The following SEC24D variants were observed in gnomAD, a reference collection of about 807,000 sequenced individuals.
SEC24D encodes SEC24 homolog D, COPII component.
In SEC24D, 69 loss-of-function variants were observed where a neutral mutation model predicts 116.9. That is an observed-to-expected ratio of 0.59 (90% CI 0.49 to 0.72). The LOEUF (loss-of-function observed/expected upper bound fraction) is 0.72, where lower values mean the gene tolerates loss of function less well. SEC24D is among the 30% of genes least tolerant of loss of function. The pLI is 0.00. For missense variants in SEC24D, 1,131 were observed against 1,264.1 expected (o/e 0.89, Z 1.60); for synonymous variants, 405 against 442.8 (o/e 0.91, Z 1.07).
chr4:118,800,809 C>A (rs1359298163), intron 7 of SEC24D, among the ~76,000 whole-genome samples: 1 of 152,088 alleles, frequency 6.6e-6, no homozygotes, highest in East Asian at 1.9e-4. Context: ...TTCCAAAAGT[C>A]AAAGAGTTAG....
At chr4:118,825,118 G>A (rs2110536030) in intron 2 of SEC24D, among the ~76,000 whole-genome samples, 1 of 152,306 alleles carries the variant, frequency 6.6e-6, no homozygotes, top group Admixed American at 6.5e-5. Flanking sequence ...CCTGGAAAAA[G>A]CAGGAAGGGT....
intron 11 of SEC24D, 125 bp downstream of exon 11, chr4:118,757,596 A>G (rs1368632713): frequency 1.4e-6 from 1 of 729,946 alleles, no homozygotes; most frequent in Non-Finnish European, 2.2e-6. Flanking sequence ...TGTTTGATTT[A>G]TGACTAATTA....
intron 10 of SEC24D, among the ~76,000 whole-genome samples, chr4:118,760,812 A>T (rs1330357020): frequency 3.3e-5 from 5 of 151,892 alleles, no homozygotes; most frequent in African/African-American, 1.2e-4. Flanking sequence ...GGTTCAAGCG[A>T]TTCTCCTGCC....
At chr4:118,801,120 G>T (rs1415980793) in intron 7 of SEC24D, among the ~76,000 whole-genome samples, 2 of 152,052 alleles carry the variant, frequency 1.3e-5, no homozygotes. Flanking sequence ...AAATCAGCCG[G>T]GCATGGTGGC....
At chr4:118,752,181 C>CATAT in intron 12 of SEC24D, 92 bp from the exon 13 acceptor site, 1 of 823,218 alleles carries the variant, frequency 1.2e-6, no homozygotes, top group South Asian at 1.7e-5. Flanking sequence ...AGCCTAAACA[C>CATAT]ATATGGTATT....
At chr4:118,756,085 G>A (rs1223328879) in intron 11 of SEC24D, among the ~76,000 whole-genome samples, 1 of 150,382 alleles carries the variant, frequency 6.6e-6, no homozygotes, top group East Asian at 2.0e-4. Context: ...TAGGATAATA[G>A]ATTAGCCTAA....
intron 10 of SEC24D, 134 bp downstream of exon 10, chr4:118,764,668 T>C (rs1027732203): frequency 7.2e-6 from 4 of 554,880 alleles, no homozygotes; most frequent in African/African-American, 3.8e-5. Context: ...ATCTGTGTCT[T>C]AGGCATTTCT....
chr4:118,799,143 G>A (rs997323520), intron 7 of SEC24D, among the ~76,000 whole-genome samples: 1 of 152,210 alleles, frequency 6.6e-6, no homozygotes, highest in African/African-American at 2.4e-5. Context: ...AGGAGTAGAA[G>A]TGTTGAGATG....
intron 5 of SEC24D, 116 bp downstream of exon 5, chr4:118,815,335 C>T: frequency 7.0e-7 from 1 of 1,420,222 alleles, no homozygotes; most frequent in Non-Finnish European, 9.6e-7. Context: ...TCTTCAAAAA[C>T]TACCATTTCT....
intron 17 of SEC24D, among the ~76,000 whole-genome samples, chr4:118,740,441 C>G (rs1442560121): frequency 6.6e-6 from 1 of 152,150 alleles, no homozygotes; most frequent in Non-Finnish European, 1.5e-5. Context: ...GCTGGACTTG[C>G]ATGCAATGAC....
At chr4:118,728,429 T>C in intron 22 of SEC24D, 132 bp downstream of exon 22, 1 of 611,144 alleles carries the variant, frequency 1.6e-6, no homozygotes, top group South Asian at 2.2e-5. Context: ...TTTTTAACTT[T>C]TATTTTAGAT....
intron 8 of SEC24D, among the ~76,000 whole-genome samples, chr4:118,789,882 C>A (rs1728821431): frequency 6.6e-6 from 1 of 152,234 alleles, no homozygotes; most frequent in Admixed American, 6.5e-5. Flanking sequence ...CCGCGCCCTG[C>A]CTCAACAGCA....
intron 19 of SEC24D, among the ~76,000 whole-genome samples, chr4:118,733,611 CAT>C (rs906526441): frequency 2.6e-5 from 4 of 152,010 alleles, no homozygotes; most frequent in Admixed American, 6.6e-5. Context: ...TGGGGATAGA[CAT>C]ATAAATACAT....
intron 13 of SEC24D, among the ~76,000 whole-genome samples, chr4:118,749,258 C>A (rs781456004): frequency 6.6e-6 from 1 of 152,074 alleles, no homozygotes; most frequent in Non-Finnish European, 1.5e-5. Flanking sequence ...TGCACTGAAG[C>A]CTTTAGCTGG....
intron 8 of SEC24D, among the ~76,000 whole-genome samples, chr4:118,787,600 C>G (rs1196859210): frequency 3.3e-5 from 5 of 152,072 alleles, no homozygotes; most frequent in African/African-American, 1.2e-4. Flanking sequence ...ACTGCTTGAG[C>G]TAGGAGTTTG....
At position 118,732,868 on chromosome 4, in the gene SEC24D, A is replaced by G. The variant is rs147337972; in HGVS notation, c.2541T>C (p.Asn847=). The G allele has an allele frequency of 5.6e-6, 9 of 1,613,938 alleles. No individual in the cohort carries two copies. Among genetic ancestry groups the G allele is most frequent in the African/African-American group, 1.3e-5 (1 of 74,930 alleles). The change falls in exon 20 of 23, where the codon AAT becomes AAC. Residue 847 remains asparagine (N), a synonymous_variant. Coordinates refer to ENST00000280551, the MANE Select transcript of SEC24D (RefSeq NM_014822.4). ...DSMKVLPVYM[N]CLLKNCVLLS... is the part of the protein sequence containing the mutation. ...GTAGTACACAGTTTTTCAACAAGCA[A>G]TTCATGTACACTGGCAATACTTTCA...
At position 118,768,159 on chromosome 4, in the gene SEC24D, A is replaced by G; in HGVS notation, c.1180+14T>C. On this transcript the variant is annotated intron_variant, in intron 9 of 22. Coordinates refer to ENST00000280551, the MANE Select transcript of SEC24D (RefSeq NM_014822.4). ...TAAAGAATTTCACAAAGAGCTTTTA[A>G]TGGCACTGCTTACCATCATTCACAC... 1 of 1,604,154 alleles carries G rather than the reference A, an allele frequency of 6.2e-7. No individual in the cohort carries two copies. Among genetic ancestry groups the G allele is most frequent in the Non-Finnish European group, 8.5e-7 (1 of 1,175,658 alleles).
At chr4:118,826,459 A>C (rs1730594956) in intron 2 of SEC24D, among the ~76,000 whole-genome samples, 1 of 152,236 alleles carries the variant, frequency 6.6e-6, no homozygotes, top group African/African-American at 2.4e-5. Flanking sequence ...TTTTTATTCT[A>C]ACAAAGCATA....
intron 8 of SEC24D, among the ~76,000 whole-genome samples, chr4:118,793,556 A>G (rs11098450): frequency 0.26 from 39,643 of 151,516 alleles, 6,370 homozygotes; most frequent in East Asian, 0.45. Flanking sequence ...TAGAGCAGCA[A>G]TAATTCCCTA....
Sources: gnomAD v4.1 joint callset for allele counts (sites outside exome capture counted in the v4.1 genomes callset) on GRCh38, gnomAD v4.1.1 for gene constraint, MANE v1.5 for transcripts, NCBI Gene and HGNC (gene_info 2026-07-23, HGNC 2026-07-21) for gene names.